Variants in MAP2K3 observed in about 807,000 individuals in gnomAD.
The protein encoded by MAP2K3 is dual specificity mitogen-activated protein kinase kinase 3.
Under a neutral mutation model 46.4 loss-of-function variants are expected in MAP2K3, and 30 were observed. The observed-to-expected ratio is 0.65, with a 90% CI of 0.48 to 0.88. The LOEUF is 0.88. Ranked by LOEUF, MAP2K3 falls within the 40% of genes least tolerant of loss-of-function variation. The pLI is 0.00. For synonymous variants in MAP2K3, 189 were observed against 176.3 expected (o/e 1.07, Z -0.57); for missense variants, 380 against 464.5 (o/e 0.82, Z 1.67).
intron 7 of MAP2K3, among the ~76,000 whole-genome samples, chr17:21,303,732 T>C (rs1268354277): frequency 6.6e-6 from 1 of 152,256 alleles, no homozygotes; most frequent in East Asian, 1.9e-4. Flanking sequence ...TCTGGTGTGG[T>C]CTCAGTTTGT....
intron 6 of MAP2K3, among the ~76,000 whole-genome samples, chr17:21,302,614 A>C (rs1255598705): frequency 2.6e-5 from 4 of 152,310 alleles, no homozygotes; most frequent in Non-Finnish European, 4.4e-5. Context: ...ACAGAGGTAC[A>C]AGCTAAGTTG....
At position 21,309,933 on chromosome 17, in the gene MAP2K3, A is replaced by T. The variant is rs72838558; in HGVS notation, c.775-2209A>T. 2.4e-3 allele frequency among the ~76,000 whole-genome samples: 366 copies of T among 152,016 alleles called. 5 individuals are homozygous for T. The East Asian group carries it at 0.027, about 11-fold the overall frequency. ...AATGCTTCTTTTTAAAAAACTTTTTAAAAAAAATTTTGTAGCATTACATGT... is the reference window on the plus strand; with the variant it reads ...AATGCTTCTTTTTAAAAAACTTTTTTAAAAAAATTTTGTAGCATTACATGT... On this transcript the variant is annotated intron_variant, in intron 9 of 11. Coordinates refer to ENST00000342679, the MANE Select transcript of MAP2K3 (RefSeq NM_145109.3).
At chr17:21,305,343 C>G (rs1976841235) in intron 9 of MAP2K3, among the ~76,000 whole-genome samples, 1 of 152,292 alleles carries the variant, frequency 6.6e-6, no homozygotes, top group Non-Finnish European at 1.5e-5. Flanking sequence ...GTCCTGGGTG[C>G]TTTGTGATAT....
intron 1 of MAP2K3, among the ~76,000 whole-genome samples, chr17:21,298,015 C>T (rs1053554225): frequency 1.2e-4 from 18 of 152,418 alleles, no homozygotes; most frequent in African/African-American, 4.3e-4. Context: ...AATGAAGCCC[C>T]TGTACAGTGG....
chr17:21,295,795 G>A, intron 1 of MAP2K3: 3 of 754,124 alleles, frequency 4.0e-6, no homozygotes, highest in African/African-American at 1.2e-4. Flanking sequence ...CTTGGTGAAG[G>A]GGGGGCCACA....
chr17:21,304,136 CT>C (rs1252983974), intron 7 of MAP2K3, among the ~76,000 whole-genome samples: 2 of 152,308 alleles, frequency 1.3e-5, no homozygotes, highest in Non-Finnish European at 2.9e-5. Flanking sequence ...AGGCACGGTG[CT>C]CCCAGCAAAG....
At chr17:21,287,966 C>G (rs1364771093) in intron 1 of MAP2K3, 1 of 1,220,532 alleles carries the variant, frequency 8.2e-7, no homozygotes, top group Non-Finnish European at 1.1e-6. Flanking sequence ...TCGGGGACTT[C>G]CCCCACCCCT....
intron 1 of MAP2K3, chr17:21,288,140 C>A (rs1177136905): frequency 1.7e-5 from 22 of 1,263,570 alleles, no homozygotes; most frequent in Non-Finnish European, 2.2e-5. Flanking sequence ...GCATGCCAGC[C>A]GGCTGCCTAC....
intron 7 of MAP2K3, among the ~76,000 whole-genome samples, chr17:21,304,143 C>G (rs1484962054): frequency 6.6e-6 from 1 of 152,312 alleles, no homozygotes; most frequent in Admixed American, 6.5e-5. Context: ...GTGCTCCCAG[C>G]AAAGCACCTG....
intron 3 of MAP2K3, 132 bp from the exon 4 acceptor site, chr17:21,300,413 C>A (rs1312012188): frequency 3.4e-6 from 3 of 872,876 alleles, no homozygotes; most frequent in African/African-American, 3.3e-5. Flanking sequence ...CAGCAGGGAG[C>A]GGTGGATATG....
intron 10 of MAP2K3, 120 bp from the exon 11 acceptor site, chr17:21,313,372 C>T (rs1977253126): frequency 6.7e-6 from 5 of 751,786 alleles, no homozygotes; most frequent in Non-Finnish European, 1.1e-5. Flanking sequence ...GTCCCTTCTT[C>T]CCTGGGTGCA....
intron 1 of MAP2K3, among the ~76,000 whole-genome samples, chr17:21,292,791 C>A (rs922659763): frequency 6.6e-6 from 1 of 152,196 alleles, no homozygotes; most frequent in African/African-American, 2.4e-5. Context: ...ATGGTCTGAC[C>A]GGCATTTTCT....
chr17:21,298,978 G>C (rs1229123133), intron 3 of MAP2K3, 52 bp downstream of exon 3: 1 of 1,612,942 alleles, frequency 6.2e-7, no homozygotes. Context: ...CTGACGAGCG[G>C]GTAGAGCTGA....
At chr17:21,287,215 C>T (rs8074866) in intron 1 of MAP2K3, among the ~76,000 whole-genome samples, 56,505 of 152,188 alleles carry the variant, frequency 0.37, 11,470 homozygotes, top group African/African-American at 0.53. Flanking sequence ...CTCATGGCCA[C>T]GTCAGACCTA....
At chr17:21,296,153 T>A (rs1342231891) in intron 1 of MAP2K3, 6 of 1,289,508 alleles carry the variant, frequency 4.7e-6, no homozygotes, top group Non-Finnish European at 6.1e-6. Context: ...CAGTGAACCC[T>A]GTGCTGAGCA....
In MAP2K3 at chr17:21,314,320, A is replaced by C; in HGVS notation, c.*90A>C. The C allele has an allele frequency of 8.4e-7, 1 of 1,188,400 alleles. No homozygotes were observed. The highest frequency in any genetic ancestry group is 1.2e-6 in the Non-Finnish European group (1 of 803,684). The allele number at this position is 1,188,400 out of a possible 1,614,324, so 73.6% of individuals were successfully genotyped here. A position where few individuals can be genotyped will look rare whatever the true frequency, so the allele number is the denominator to read the frequency against. ...CTCACCCACACCATAAGCTACTGCCATCCTGGCCCAGGGCATCTGGGAGGA... is the reference window on the plus strand; with the variant it reads ...CTCACCCACACCATAAGCTACTGCCCTCCTGGCCCAGGGCATCTGGGAGGA... On this transcript the variant is annotated 3_prime_UTR_variant, in exon 12 of 12. Coordinates refer to ENST00000342679, the MANE Select transcript of MAP2K3 (RefSeq NM_145109.3).
At chr17:21,295,432 G>C (rs1271373568) in intron 1 of MAP2K3, among the ~76,000 whole-genome samples, 2 of 152,308 alleles carry the variant, frequency 1.3e-5, no homozygotes, top group African/African-American at 4.8e-5. Flanking sequence ...GGACAGGCGG[G>C]CTTATCGTGG....
intron 1 of MAP2K3, among the ~76,000 whole-genome samples, chr17:21,289,292 C>A (rs1222258120): frequency 6.6e-6 from 1 of 152,184 alleles, no homozygotes; most frequent in Non-Finnish European, 1.5e-5. Flanking sequence ...GCCTGCCCTG[C>A]CCCTGGCTTT....
chr17:21,285,268 G>A, intron 1 of MAP2K3: 1 of 985,266 alleles, frequency 1.0e-6, no homozygotes. Context: ...CCTCATTTGG[G>A]CCTTATGGCT....
Sources: allele counts gnomAD v4.1 joint callset (sites outside exome capture counted in the v4.1 genomes callset), GRCh38; gene constraint gnomAD v4.1.1; transcripts MANE v1.5; gene names NCBI Gene and HGNC (gene_info 2026-07-23, HGNC 2026-07-21).